Variants in MACROD2 observed in about 807,000 individuals in gnomAD.
MACROD2 encodes mono-ADP ribosylhydrolase 2, also known as ADP-ribose glycohydrolase MACROD2.
In MACROD2, 36 loss-of-function variants were observed where a neutral mutation model predicts 70.4. The ratio of observed to expected loss-of-function variants is 0.51; its 90% CI spans 0.39 to 0.68. MACROD2 has a LOEUF of 0.68. Ranked by LOEUF, MACROD2 falls within the 30% of genes least tolerant of loss-of-function variation. The probability of loss-of-function intolerance (pLI) is 0.00; values close to 1 mark genes in which losing one functional copy is unlikely to be tolerated. For synonymous variants in MACROD2, 172 were observed against 178.8 expected (o/e 0.96, Z 0.30); for missense variants, 496 against 538.4 (o/e 0.92, Z 0.78).
intron 3 of MACROD2, among the ~76,000 whole-genome samples, chr20:14,233,774 G>T (rs1023798219): frequency 6.7e-6 from 1 of 150,014 alleles, no homozygotes; most frequent in Non-Finnish European, 1.5e-5. Context: ...TACCTTAAAT[G>T]CCTATTACTA....
chr20:15,668,633 CA>C (rs1182805500), intron 8 of MACROD2, among the ~76,000 whole-genome samples: 2 of 151,512 alleles, frequency 1.3e-5, no homozygotes, highest in Non-Finnish European at 2.9e-5. Flanking sequence ...AAGAGGTTCC[CA>C]TTGTTATTTG....
At chr20:14,130,075 T>C (rs190700273) in intron 3 of MACROD2, among the ~76,000 whole-genome samples, 125 of 152,276 alleles carry the variant, frequency 8.2e-4, no homozygotes, top group African/African-American at 2.8e-3. Context: ...GACAATGTCA[T>C]TGTGTCTACA....
intron 6 of MACROD2, among the ~76,000 whole-genome samples, chr20:15,245,912 A>G (rs2077101141): frequency 6.6e-6 from 1 of 152,212 alleles, no homozygotes; most frequent in Non-Finnish European, 1.5e-5. Context: ...TTGTGAGCAA[A>G]TTTAAAGACA....
intron 4 of MACROD2, among the ~76,000 whole-genome samples, chr20:14,559,847 T>C (rs1979307301): frequency 6.6e-6 from 1 of 151,872 alleles, no homozygotes; most frequent in African/African-American, 2.4e-5. Flanking sequence ...GAGGTTTTAC[T>C]TGTGTCATTA....
intron 13 of MACROD2, among the ~76,000 whole-genome samples, chr20:15,968,702 G>A (rs1440368563): frequency 6.7e-6 from 1 of 148,910 alleles, no homozygotes; most frequent in African/African-American, 2.5e-5. Flanking sequence ...AATAATGAAA[G>A]TCTAAATAAT....
intron 8 of MACROD2, among the ~76,000 whole-genome samples, chr20:15,507,392 C>CTTCT (rs900709431): frequency 2.7e-5 from 4 of 148,332 alleles, no homozygotes; most frequent in African/African-American, 9.9e-5. Context: ...TCCCTCCCTC[C>CTTCT]TTCCTTCCTT....
chr20:15,140,345 A>ATCG (rs1568596948), intron 5 of MACROD2, among the ~76,000 whole-genome samples: 37 of 122,096 alleles, frequency 3.0e-4, no homozygotes, highest in African/African-American at 1.0e-3. Context: ...AAGGCCTATC[A>ATCG]GTACATTATA....
At chr20:15,682,979 C>A (rs971121893) in intron 8 of MACROD2, among the ~76,000 whole-genome samples, 10 of 152,100 alleles carry the variant, frequency 6.6e-5, no homozygotes, top group African/African-American at 2.2e-4. Context: ...TAAATATTTC[C>A]TGCTAAAAAT....
rs138612921 is a variant in MACROD2, at chr20:14,269,227, A to G, written c.271+183499A>G. On this transcript the variant is annotated intron_variant, in intron 3 of 17. Transcript: ENST00000684519. ...CAACCAACAGGAGACAGAACTAGCC[A>G]AATAAAGCATATGGCAAATCACTGG... Among the ~76,000 whole-genome samples the G allele has an allele frequency of 8.0e-4, 122 of 152,320 alleles. 2 individuals are homozygous for G. In the East Asian group the frequency reaches 0.013, roughly 16 times the overall value.
intron 3 of MACROD2, among the ~76,000 whole-genome samples, chr20:14,358,687 A>C (rs1277861518): frequency 1.3e-5 from 2 of 151,388 alleles, no homozygotes; most frequent in African/African-American, 4.9e-5. Flanking sequence ...CGATTTCTTG[A>C]CCTCGTGATC....
intron 15 of MACROD2, among the ~76,000 whole-genome samples, chr20:16,030,555 A>G (rs1287327472): frequency 6.6e-6 from 1 of 152,214 alleles, no homozygotes; most frequent in Non-Finnish European, 1.5e-5. Context: ...ATAACCCAAG[A>G]GAAAGATCCA....
intron 3 of MACROD2, among the ~76,000 whole-genome samples, chr20:14,431,310 G>A (rs1446598992): frequency 2.6e-5 from 4 of 152,148 alleles, no homozygotes; most frequent in Non-Finnish European, 4.4e-5. Flanking sequence ...GAGGTGGGAT[G>A]GAAACCCTAT....
chr20:15,139,245 G>T (rs2076173538), intron 5 of MACROD2, among the ~76,000 whole-genome samples: 1 of 152,162 alleles, frequency 6.6e-6, no homozygotes, highest in African/African-American at 2.4e-5. Flanking sequence ...ATGTCACCCT[G>T]GATTTGGCAG....
intron 5 of MACROD2, among the ~76,000 whole-genome samples, chr20:15,095,862 TG>T (rs2075827756): frequency 3.2e-4 from 3 of 9,248 alleles, no homozygotes; most frequent in Non-Finnish European, 5.9e-4. Context: ...CCATGTTGTT[TG>T]TGTGTGTGTG....
chr20:14,864,688 C>G (rs1247888964), intron 5 of MACROD2, among the ~76,000 whole-genome samples: 1 of 151,980 alleles, frequency 6.6e-6, no homozygotes, highest in Non-Finnish European at 1.5e-5. Flanking sequence ...AATATGCCAG[C>G]TGGAGGAATT....
rs1302446973 is a variant in MACROD2, at chr20:14,070,142, C to T, written c.164-15479C>T. ...CTAAGTTTTGGAAGGGATTTTTGCA[C>T]AGCAAAAGCTTAGGAGGAAGCTTTG... On this transcript the variant is annotated intron_variant, in intron 2 of 17. Transcript: ENST00000684519. Among the ~76,000 whole-genome samples the T allele has an allele frequency of 2.6e-5, 4 of 152,140 alleles. No homozygotes were observed. The East Asian group carries it at 7.7e-4, about 29-fold the overall frequency.
intron 8 of MACROD2, among the ~76,000 whole-genome samples, chr20:15,567,548 C>T (rs2048326486): frequency 6.6e-6 from 1 of 152,190 alleles, no homozygotes; most frequent in Non-Finnish European, 1.5e-5. Context: ...GTGCTTTCAC[C>T]CTTTCCAGAC....
intron 3 of MACROD2, chr20:14,127,382 A>C (rs2054664567): frequency 2.5e-6 from 1 of 398,878 alleles, no homozygotes; most frequent in Non-Finnish European, 4.7e-6. Context: ...AGGCTGCCTC[A>C]GAACCCCTTT....
At chr20:14,574,769 T>C (rs1980460231) in intron 4 of MACROD2, among the ~76,000 whole-genome samples, 1 of 150,312 alleles carries the variant, frequency 6.7e-6, no homozygotes, top group African/African-American at 2.4e-5. Context: ...CCCAGCACTT[T>C]GGGAGGCCGG....
Sources: allele counts gnomAD v4.1 joint callset (sites outside exome capture counted in the v4.1 genomes callset), GRCh38; gene constraint gnomAD v4.1.1; transcripts MANE v1.5; gene names NCBI Gene and HGNC (gene_info 2026-07-23, HGNC 2026-07-21).